GPR149: variants seen among roughly 807,000 people sequenced by gnomAD.
GPR149 encodes the protein probable G protein-coupled receptor 149.
A neutral mutation model predicts 50.2 loss-of-function variants in GPR149; 50 were observed. The ratio of observed to expected loss-of-function variants is 1.00; its 90% confidence interval spans 0.79 to 1.26. The LOEUF (loss-of-function observed/expected upper bound fraction) is 1.26. Ranked by LOEUF, GPR149 falls within the 50% of genes most tolerant of loss-of-function variation. GPR149 has a pLI of 0.00. For missense variants in GPR149, 983 were observed against 895.4 expected (o/e 1.10, Z -1.25); for synonymous variants, 405 against 358.2 (o/e 1.13, Z -1.48).
At chr3:154,404,986 G>C (rs1344766747) in intron 3 of GPR149, among the ~76,000 whole-genome samples, 2 of 152,158 alleles carry the variant, frequency 1.3e-5, no homozygotes, top group Non-Finnish European at 2.9e-5. Context: ...AAGAAGGCAA[G>C]AATGCTTACC....
intron 3 of GPR149, among the ~76,000 whole-genome samples, chr3:154,350,909 T>G (rs967022060): frequency 6.6e-6 from 1 of 152,132 alleles, no homozygotes; most frequent in African/African-American, 2.4e-5. Flanking sequence ...AGATTACTTA[T>G]AATACCTAAT....
chr3:154,406,562 C>G (rs1403180007), intron 3 of GPR149, among the ~76,000 whole-genome samples: 1 of 152,144 alleles, frequency 6.6e-6, no homozygotes, highest in African/African-American at 2.4e-5. Flanking sequence ...GGTTATTACA[C>G]AGCCATGAGG....
At chr3:154,409,089 C>A (rs1711768852) in intron 3 of GPR149, among the ~76,000 whole-genome samples, 1 of 152,214 alleles carries the variant, frequency 6.6e-6, no homozygotes. Flanking sequence ...AGACTGAAAT[C>A]CAGTAGCTCT....
chr3:154,407,409 C>T (rs377133237), intron 3 of GPR149, among the ~76,000 whole-genome samples: 2 of 151,984 alleles, frequency 1.3e-5, no homozygotes, highest in South Asian at 2.1e-4. Flanking sequence ...TTTTTTCCTA[C>T]AGGGGTGTGG....
chr3:154,351,243 C>T (rs1342771930), intron 3 of GPR149, among the ~76,000 whole-genome samples: 1 of 111,592 alleles, frequency 9.0e-6, no homozygotes, highest in Non-Finnish European at 1.7e-5. Context: ...TACAAAGGTA[C>T]AAAAACAATT....
Position 154,421,287 on chromosome 3 carries a change from T to C in GPR149, c.1375A>G (p.Thr459Ala). 1 of 1,613,428 alleles carries C rather than the reference T, an allele frequency of 6.2e-7. No individual in the cohort carries two copies. Among genetic ancestry groups the C allele is most frequent in the East Asian group, 2.2e-5 (1 of 44,872 alleles). The change falls in exon 3 of 4, where the codon ACG becomes GCG. Residue 459 changes from threonine (T) to alanine (A), a missense_variant. Coordinates refer to ENST00000389740, the MANE Select transcript of GPR149 (RefSeq NM_001038705.3). ...TGTGTGGAGCTGTCCAGAGAGGGCG[T>C]GGTGCTGATTTCTACTTTTATAGCA... ...FNAIKVEIST[T>A]PSLDSSTQRG...
chr3:154,386,191 G>C (rs547249974), intron 3 of GPR149, among the ~76,000 whole-genome samples: 2 of 152,096 alleles, frequency 1.3e-5, no homozygotes, highest in Non-Finnish European at 2.9e-5. Flanking sequence ...TTTTAGTTAA[G>C]GGAATTGAGA....
Position 154,351,242 on chromosome 3 carries a change from A to G in GPR149, c.1624-12971T>C, listed in dbSNP as rs1029466221. 2.7e-5 allele frequency among the ~76,000 whole-genome samples: 4 copies of G among 147,622 alleles called. No individual in the cohort carries two copies. The South Asian group carries it at 6.7e-4, about 25-fold the overall frequency. ...TACCCAACTGACTTTTTACAAAGGTACAAAAACAATTCAATGGAGGAAAGT... is the reference window on the plus strand; with the variant it reads ...TACCCAACTGACTTTTTACAAAGGTGCAAAAACAATTCAATGGAGGAAAGT... On this transcript the variant is annotated intron_variant, in intron 3 of 3. Transcript: ENST00000389740.
intron 3 of GPR149, among the ~76,000 whole-genome samples, chr3:154,361,801 C>T (rs953585576): frequency 1.3e-5 from 2 of 152,136 alleles, no homozygotes; most frequent in Admixed American, 1.3e-4. Flanking sequence ...CCTATTTGTT[C>T]TTCCAGGGTC....
intron 3 of GPR149, among the ~76,000 whole-genome samples, chr3:154,364,183 C>A (rs1212707278): frequency 6.6e-6 from 1 of 152,180 alleles, no homozygotes; most frequent in Admixed American, 6.5e-5. Context: ...AAAAAAGCTG[C>A]AACAATCCCA....
At chr3:154,422,648 T>C (rs554779672) in intron 2 of GPR149, among the ~76,000 whole-genome samples, 2 of 151,828 alleles carry the variant, frequency 1.3e-5, no homozygotes, top group Non-Finnish European at 3.0e-5. Flanking sequence ...TATAAACCAA[T>C]TCTGTTGACT....
chr3:154,352,544 G>A, intron 3 of GPR149: 1 of 774,998 alleles, frequency 1.3e-6, no homozygotes, highest in South Asian at 1.3e-5. Flanking sequence ...TCCAGGCACA[G>A]GTGACATCCT....
chr3:154,367,689 A>T (rs1714562004), intron 3 of GPR149, among the ~76,000 whole-genome samples: 1 of 152,160 alleles, frequency 6.6e-6, no homozygotes, highest in Non-Finnish European at 1.5e-5. Context: ...CACTCTGCTC[A>T]ATAAAACTTA....
chr3:154,353,251 C>G (rs1234230957), intron 3 of GPR149: 5 of 1,467,552 alleles, frequency 3.4e-6, no homozygotes, highest in Non-Finnish European at 3.8e-6. Flanking sequence ...AAGTGTTCCA[C>G]AGTAGTTGCA....
chr3:154,353,646 T>G, intron 3 of GPR149: 1 of 1,370,196 alleles, frequency 7.3e-7, no homozygotes. Flanking sequence ...ATCTTTGAAG[T>G]CTTTGGCTAC....
At position 154,428,694 on chromosome 3, in the gene GPR149, G is replaced by C; in HGVS notation, c.922C>G (p.Gln308Glu). The C allele has an allele frequency of 6.2e-7, 1 of 1,614,160 alleles. No individual in the cohort carries two copies. The highest frequency in any genetic ancestry group is 8.5e-7 in the Non-Finnish European group (1 of 1,180,040). The change falls in exon 1 of 4, where the codon CAG becomes GAG. Residue 308 changes from glutamine to glutamate, a missense_variant. By Grantham distance (29) the Gln-to-Glu change is conservative. Coordinates refer to ENST00000389740, the MANE Select transcript of GPR149 (RefSeq NM_001038705.3). ...GCTAGGATCAAAGCGAAGCGCTTCTGCGCTACGCTCACGGTGAAGCTCCTG... is the reference window on the plus strand; with the variant it reads ...GCTAGGATCAAAGCGAAGCGCTTCTCCGCTACGCTCACGGTGAAGCTCCTG... Reference protein sequence around the residue: ...GTRSFTVSVAQKRFALILALT... With the variant: ...GTRSFTVSVAEKRFALILALT...
intron 3 of GPR149, among the ~76,000 whole-genome samples, chr3:154,361,764 C>T (rs773119887): frequency 5.9e-5 from 9 of 152,156 alleles, no homozygotes; most frequent in South Asian, 4.1e-4. Context: ...TAAAAGTATT[C>T]GAGGAACATT....
At chr3:154,415,133 T>A (rs1336811813) in intron 3 of GPR149, among the ~76,000 whole-genome samples, 1 of 138,800 alleles carries the variant, frequency 7.2e-6, no homozygotes, top group Non-Finnish European at 1.6e-5. Flanking sequence ...TCACTTGAGT[T>A]CAAGTAGAGA....
chr3:154,397,949 A>G (rs1285164693), intron 3 of GPR149, among the ~76,000 whole-genome samples: 1 of 152,262 alleles, frequency 6.6e-6, no homozygotes, highest in East Asian at 1.9e-4. Context: ...AAAATCAACC[A>G]AAGTATTCTG....
Sources: gnomAD v4.1 joint callset for allele counts (sites outside exome capture counted in the v4.1 genomes callset) on GRCh38, gnomAD v4.1.1 for gene constraint, MANE v1.5 for transcripts, NCBI Gene and HGNC (gene_info 2026-07-23, HGNC 2026-07-21) for gene names.